The following ACACB variants were observed in gnomAD, a reference collection of about 807,000 sequenced individuals.
The protein encoded by ACACB is acetyl-CoA carboxylase beta.
ACACB carries 209 observed loss-of-function variants against 278.8 expected under a neutral mutation model. The observed-to-expected ratio is 0.75, with a 90% CI of 0.67 to 0.84. The LOEUF is 0.84. Ranked by LOEUF, ACACB falls within the 40% of genes least tolerant of loss-of-function variation. The pLI is 0.00. For synonymous variants in ACACB, 1,174 were observed against 1,285.6 expected, an observed-to-expected ratio of 0.91 and a Z score of 1.86; for missense variants, 2,850 against 3,269.0, an observed-to-expected ratio of 0.87 and a Z score of 3.13.
chr12:109,191,378 T>TA (rs2044875197), intron 13 of ACACB: 1 of 398,276 alleles, frequency 2.5e-6, no homozygotes, highest in African/African-American at 2.1e-5. Context: ...CATGCTGAGC[T>TA]AAGTTTTGTA....
At chr12:109,167,796 T>C (rs2043968755) in intron 3 of ACACB, 100 bp from the exon 4 acceptor site, 1 of 1,568,112 alleles carries the variant, frequency 6.4e-7, no homozygotes, top group East Asian at 2.3e-5. Context: ...CTGCGGGGGC[T>C]GCAGGAGGCT....
In ACACB at chr12:109,152,647, T is replaced by C. The variant is rs1386585172; in HGVS notation, c.653+12589T>C. Among the ~76,000 whole-genome samples the C allele has an allele frequency of 4.2e-3, 527 of 125,162 alleles. 2 individuals carry two copies. The highest frequency in any genetic ancestry group is 0.019 in the African/African-American group (452 of 23,646). 82.1% of individuals were successfully genotyped at this position (125,162 alleles called of 152,430 possible). Reference sequence around the variant, plus strand: ...CCTTTTCTTTCTTTCTTTCTTTTTTTTTTTTTTTTTTTTTTTTTGAGAAAG... The same window carrying C: ...CCTTTTCTTTCTTTCTTTCTTTTTTCTTTTTTTTTTTTTTTTTTGAGAAAG... On this transcript the variant is annotated intron_variant, in intron 2 of 52. Transcript: ENST00000338432.
At chr12:109,194,179 GTTTTTT>G (rs113054401) in intron 16 of ACACB, among the ~76,000 whole-genome samples, 132 of 150,300 alleles carry the variant, frequency 8.8e-4, no homozygotes, top group African/African-American at 3.1e-3. Flanking sequence ...CTCTGTCTCT[GTTTTTT>G]TTTTTTGTTG....
At chr12:109,133,649 C>T (rs1162634173) in intron 1 of ACACB, among the ~76,000 whole-genome samples, 4 of 151,848 alleles carry the variant, frequency 2.6e-5, no homozygotes, top group Non-Finnish European at 5.9e-5. Context: ...CAAATGCACA[C>T]ATTTAAAATT....
Position 109,245,621 on chromosome 12 carries a change from C to T in ACACB, c.5179-5C>T, listed in dbSNP as rs1256082307. Reference sequence around the variant, plus strand: ...AGTTTTTTCTCTTTCCTCTTCTCTCCCCAGGCTCTCTTTAAACTGTGGGGC... The same window carrying T: ...AGTTTTTTCTCTTTCCTCTTCTCTCTCCAGGCTCTCTTTAAACTGTGGGGC... On this transcript the variant is annotated splice_region_variant and splice_polypyrimidine_tract_variant and intron_variant, in intron 37 of 52. Transcript: ENST00000338432. 5 of 1,612,992 alleles carry T rather than the reference C, an allele frequency of 3.1e-6. No individual in the cohort carries two copies. Among genetic ancestry groups the T allele is most frequent in the Non-Finnish European group, 4.2e-6 (5 of 1,179,714 alleles).
Position 109,254,331 on chromosome 12 carries a change from C to T in ACACB, c.6163C>T (p.Pro2055Ser), listed in dbSNP as rs866739492. 1 of 1,611,638 alleles carries T rather than the reference C, an allele frequency of 6.2e-7. No individual in the cohort carries two copies. The highest frequency in any genetic ancestry group is 8.5e-7 in the Non-Finnish European group (1 of 1,179,228). Residue 2055 changes from proline (P) to serine (S), a missense_variant, in exon 44 of 53, where the codon CCA becomes TCA. Physicochemically the swap from Pro to Ser is moderately conservative, Grantham distance 74. Coordinates refer to ENST00000338432, the MANE Select transcript of ACACB (RefSeq NM_001093.4). ...PRWMLAGRPH[P>S]TLKGTWQSGF... Reference sequence around the variant, plus strand: ...GTGGATGCTTGCAGGAAGGCCTCACCCAAGTAAGTTCTAAAGTATTTTGCC... The same window carrying T: ...GTGGATGCTTGCAGGAAGGCCTCACTCAAGTAAGTTCTAAAGTATTTTGCC...
chr12:109,121,784 C>A (rs1310485917), intron 1 of ACACB, among the ~76,000 whole-genome samples: 2 of 152,228 alleles, frequency 1.3e-5, no homozygotes, highest in East Asian at 3.8e-4. Context: ...GACCCTGACG[C>A]TTCTGTGTGC....
chr12:109,143,791 CAT>C (rs2043176297), intron 2 of ACACB, among the ~76,000 whole-genome samples: 1 of 152,110 alleles, frequency 6.6e-6, no homozygotes, highest in African/African-American at 2.4e-5. Flanking sequence ...AAGCCTTAGA[CAT>C]GTGTGCTGGT....
Position 109,264,329 on chromosome 12 carries a change from G to A in ACACB, c.6885G>A (p.Val2295=), listed in dbSNP as rs1337540851. 6.2e-7 allele frequency: 1 copy of A among 1,614,128 alleles called. No individual in the cohort carries two copies. Among genetic ancestry groups the A allele is most frequent in the South Asian group, 1.1e-5 (1 of 91,074 alleles). The change falls in exon 50 of 53, where the codon GTG becomes GTA. Residue 2295 remains valine, a synonymous_variant. Transcript: ENST00000338432. The part of the protein sequence containing the change: ...LLLPIYHQVA[V]QFADFHDTPG... The stretch of plus-strand genomic sequence containing the variant: ...TCCCCATCTACCACCAGGTGGCGGT[G>A]CAGTTCGCCGACTTCCATGACACAC...
chr12:109,123,589 A>G (rs2042603439), intron 1 of ACACB, among the ~76,000 whole-genome samples: 1 of 151,806 alleles, frequency 6.6e-6, no homozygotes. Context: ...ACTACTCAGG[A>G]GGCTGAGGCA....
intron 4 of ACACB, among the ~76,000 whole-genome samples, chr12:109,170,328 G>A (rs1246921698): frequency 1.3e-5 from 2 of 152,138 alleles, no homozygotes; most frequent in African/African-American, 4.8e-5. Flanking sequence ...GCCTCCCAAA[G>A]TGCTGGGATT....
intron 2 of ACACB, among the ~76,000 whole-genome samples, chr12:109,162,806 A>G (rs570307952): frequency 1.3e-5 from 2 of 152,196 alleles, no homozygotes; most frequent in Admixed American, 6.5e-5. Flanking sequence ...ACGCACTCCT[A>G]CCTCACCCTA....
intron 19 of ACACB, among the ~76,000 whole-genome samples, chr12:109,205,454 C>T (rs1565919574): frequency 7.0e-6 from 1 of 143,104 alleles, no homozygotes; most frequent in African/African-American, 2.5e-5. Context: ...CTCAAGTCAG[C>T]TTTTTTTTTT....
intron 2 of ACACB, among the ~76,000 whole-genome samples, chr12:109,159,964 C>T (rs2043670739): frequency 6.6e-6 from 1 of 151,830 alleles, no homozygotes; most frequent in South Asian, 2.1e-4. Context: ...GTGGCAGGCA[C>T]CTATAGTCCC....
chr12:109,193,480 G>A (rs17848848), intron 15 of ACACB, among the ~76,000 whole-genome samples, 168 bp from the exon 16 acceptor site: 8,102 of 152,228 alleles, frequency 0.053, 434 homozygotes, highest in African/African-American at 0.14. Context: ...AGCCTCCCAA[G>A]GTGCAGGGAT....
intron 24 of ACACB, among the ~76,000 whole-genome samples, chr12:109,220,677 G>T (rs932233043): frequency 5.3e-5 from 8 of 151,866 alleles, no homozygotes; most frequent in African/African-American, 1.7e-4. Context: ...TCAGCCTCCC[G>T]AGTAGCTGGG....
At chr12:109,192,331 C>T (rs2044922622) in intron 15 of ACACB, among the ~76,000 whole-genome samples, 1 of 152,148 alleles carries the variant, frequency 6.6e-6, no homozygotes, top group South Asian at 2.1e-4. Context: ...ATCAGAGGGT[C>T]ATCATGAAAT....
chr12:109,244,733 C>G (rs2046893320), intron 37 of ACACB, among the ~76,000 whole-genome samples: 1 of 152,068 alleles, frequency 6.6e-6, no homozygotes, highest in Admixed American at 6.6e-5. Flanking sequence ...GTTTGGATTA[C>G]AGGCATGAGC....
intron 2 of ACACB, among the ~76,000 whole-genome samples, chr12:109,159,380 C>G (rs552241999): frequency 2.0e-4 from 31 of 152,254 alleles, no homozygotes; most frequent in African/African-American, 7.5e-4. Flanking sequence ...ATGCCGGGGC[C>G]CTAGCCTAAT....
Sources: gnomAD v4.1 joint callset for allele counts (sites outside exome capture counted in the v4.1 genomes callset) on GRCh38, gnomAD v4.1.1 for gene constraint, MANE v1.5 for transcripts, NCBI Gene and HGNC (gene_info 2026-07-23, HGNC 2026-07-21) for gene names.